The following TBCE variants were observed in gnomAD, a reference collection of about 807,000 sequenced individuals.
TBCE encodes tubulin-specific chaperone E.
TBCE carries 53 observed loss-of-function variants against 77.0 expected under a neutral mutation model. The ratio of observed to expected loss-of-function variants is 0.69; its 90% CI spans 0.55 to 0.87. TBCE has a LOEUF of 0.87. Ranked by LOEUF, TBCE falls within the 40% of genes least tolerant of loss-of-function variation. The pLI is 0.00. For missense variants in TBCE, 624 were observed against 622.4 expected (o/e 1.00, Z -0.03); for synonymous variants, 235 against 241.3 (o/e 0.97, Z 0.24).
At chr1:235,428,217 G>A (rs182405029) in intron 6 of TBCE, among the ~76,000 whole-genome samples, 4,249 of 151,494 alleles carry the variant, frequency 0.028, 89 homozygotes, top group Admixed American at 0.047. Flanking sequence ...CCAGCTCCTC[G>A]GGAGGCTGAG....
intron 1 of TBCE, among the ~76,000 whole-genome samples, chr1:235,367,977 C>T (rs1023876792): frequency 2.6e-5 from 4 of 152,174 alleles, no homozygotes; most frequent in East Asian, 1.9e-4. Context: ...CTGATCTCGG[C>T]TTACTGCAAC....
intron 2 of TBCE, among the ~76,000 whole-genome samples, chr1:235,384,057 G>A (rs1677843211): frequency 6.6e-6 from 1 of 150,748 alleles, no homozygotes; most frequent in Non-Finnish European, 1.5e-5. Context: ...GGCCTTTTCT[G>A]CATCTATTGA....
chr1:235,401,849 T>A (rs965036858), intron 3 of TBCE, among the ~76,000 whole-genome samples: 5 of 121,564 alleles, frequency 4.1e-5, no homozygotes, highest in Admixed American at 8.9e-5. Context: ...TTTTTTTTTT[T>A]AACAGTCCTT....
intron 1 of TBCE, among the ~76,000 whole-genome samples, chr1:235,370,252 CTTTT>C (rs534933199): frequency 7.5e-6 from 1 of 132,882 alleles, no homozygotes; most frequent in Admixed American, 7.6e-5. Flanking sequence ...CTGCTGTATT[CTTTT>C]TTTTTTTTTT....
chr1:235,433,167 G>C (rs921886232), intron 7 of TBCE: 1 of 1,357,098 alleles, frequency 7.4e-7, no homozygotes, highest in Non-Finnish European at 9.5e-7. Context: ...CTGTTTGCAG[G>C]ATGGGTGAGT....
chr1:235,450,314 G>C lies in TBCE; in HGVS notation c.*1552G>C. 1 of 1,613,954 alleles carries C rather than the reference G, an allele frequency of 6.2e-7. No individual in the cohort carries two copies. ...GAGAAGACAGCATTCCTGTCTCACA[G>C]GTCTTCTCACACAGCCACAGACTGT... On this transcript the variant is annotated 3_prime_UTR_variant, in exon 17 of 17. Transcript: ENST00000642610.
chr1:235,437,063 A>C (rs768108120), intron 11 of TBCE, among the ~76,000 whole-genome samples: 1 of 152,002 alleles, frequency 6.6e-6, no homozygotes, highest in African/African-American at 2.4e-5. Context: ...CAGGAGGCGG[A>C]GGTTGTGATG....
chr1:235,422,464 C>T (rs896531995), intron 5 of TBCE, among the ~76,000 whole-genome samples: 5 of 150,660 alleles, frequency 3.3e-5, no homozygotes, highest in Admixed American at 1.3e-4. Context: ...TGCAGTGAGC[C>T]GAGATCACAC....
At chr1:235,422,066 C>T (rs947272583) in intron 5 of TBCE, among the ~76,000 whole-genome samples, 4 of 152,190 alleles carry the variant, frequency 2.6e-5, no homozygotes. Context: ...TTGACCCCAG[C>T]GTGCTGCAAA....
chr1:235,446,964 C>T (rs1367154608), intron 15 of TBCE, among the ~76,000 whole-genome samples: 1 of 152,096 alleles, frequency 6.6e-6, no homozygotes, highest in Non-Finnish European at 1.5e-5. Flanking sequence ...TGTGAGCAGG[C>T]CAGGCAGATT....
At chr1:235,442,937 C>G in intron 15 of TBCE, 26 bp downstream of exon 15, 1 of 1,613,210 alleles carries the variant, frequency 6.2e-7, no homozygotes, top group Non-Finnish European at 8.5e-7. Flanking sequence ...CTGTCTTTTC[C>G]TTAAACTCTG....
chr1:235,394,418 CTTTTTTTTTTTTT>C (rs386370043), intron 2 of TBCE, among the ~76,000 whole-genome samples: 20 of 72,314 alleles, frequency 2.8e-4, no homozygotes, highest in East Asian at 5.2e-4. Flanking sequence ...TTGATAATTT[CTTTTTTTTTTTTT>C]TTTTTTTTTT....
intron 2 of TBCE, among the ~76,000 whole-genome samples, chr1:235,392,720 T>A (rs1678470908): frequency 1.3e-5 from 2 of 152,126 alleles, no homozygotes; most frequent in South Asian, 2.1e-4. Context: ...CCAGAATTGT[T>A]TTAAATCAGT....
At chr1:235,423,649 G>A in intron 5 of TBCE, 1 of 153,756 alleles carries the variant, frequency 6.5e-6, no homozygotes, top group East Asian at 1.9e-4. Context: ...GCAGGTGTGG[G>A]CCCAAGGGCA....
intron 2 of TBCE, among the ~76,000 whole-genome samples, chr1:235,394,418 CTTTT>C (rs386370043): frequency 0.014 from 1,004 of 72,292 alleles, 7 homozygotes; most frequent in African/African-American, 0.051. Flanking sequence ...TTGATAATTT[CTTTT>C]TTTTTTTTTT....
At chr1:235,425,992 G>A (rs577638558) in intron 5 of TBCE, among the ~76,000 whole-genome samples, 7 of 152,256 alleles carry the variant, frequency 4.6e-5, no homozygotes, top group South Asian at 2.1e-4. Flanking sequence ...TGTCGTGATC[G>A]TCTCTCCCCG....
chr1:235,375,628 G>A (rs562807767), intron 1 of TBCE, among the ~76,000 whole-genome samples: 1 of 152,264 alleles, frequency 6.6e-6, no homozygotes, highest in African/African-American at 2.4e-5. Context: ...GAGGGTAAAG[G>A]CTTTGGAACT....
chr1:235,423,577 CTAGGG>C (rs1680531020), intron 5 of TBCE: 1 of 153,226 alleles, frequency 6.5e-6, no homozygotes, highest in Admixed American at 6.6e-5. Context: ...TGTCAGGAAG[CTAGGG>C]CAGCCGAGAG....
chr1:235,389,422 G>C (rs1422075013), intron 2 of TBCE, among the ~76,000 whole-genome samples: 2 of 152,088 alleles, frequency 1.3e-5, no homozygotes, highest in African/African-American at 4.8e-5. Context: ...CTGCCTCCTG[G>C]GTTCAAGTGA....
Sources: gnomAD v4.1 joint callset for allele counts (sites outside exome capture counted in the v4.1 genomes callset) on GRCh38, gnomAD v4.1.1 for gene constraint, MANE v1.5 for transcripts, NCBI Gene and HGNC (gene_info 2026-07-23, HGNC 2026-07-21) for gene names.